Variants in SAMD12 observed in about 807,000 individuals in gnomAD.
SAMD12 encodes the protein sterile alpha motif domain-containing protein 12.
A neutral mutation model predicts 15.0 loss-of-function variants in SAMD12; 9 were observed. The observed-to-expected ratio is 0.60, with a 90% CI of 0.36 to 1.05. SAMD12 has a LOEUF of 1.05. Among genes scored for constraint, SAMD12 ranks in the 50% least tolerant of loss-of-function variants. The probability of loss-of-function intolerance (pLI) is 0.01; values close to 1 mark genes in which losing one functional copy is unlikely to be tolerated. For synonymous variants in SAMD12, 86 were observed against 90.1 expected, an observed-to-expected ratio of 0.96 and a Z score of 0.25; for missense variants, 230 against 234.2, an observed-to-expected ratio of 0.98 and a Z score of 0.12.
chr8:118,284,501 T>TC, intron 4 of SAMD12: 1 of 363,470 alleles, frequency 2.8e-6, no homozygotes, highest in Non-Finnish European at 5.4e-6. Flanking sequence ...TCCCTCTTAC[T>TC]CTTTCCATCT....
chr8:118,530,745 T>C (rs762575323), intron 2 of SAMD12, among the ~76,000 whole-genome samples: 32 of 152,240 alleles, frequency 2.1e-4, no homozygotes, highest in Non-Finnish European at 3.4e-4. Flanking sequence ...TTGCATTTGT[T>C]TTTGGGGTTT....
chr8:118,334,562 C>G (rs1317577810), intron 4 of SAMD12, among the ~76,000 whole-genome samples: 1 of 152,052 alleles, frequency 6.6e-6, no homozygotes, highest in Non-Finnish European at 1.5e-5. Context: ...ATTGGAATCA[C>G]ATCTCCCATA....
the SAMD12 span, among the ~76,000 whole-genome samples, chr8:118,166,024 G>C: frequency 6.6e-6 from 1 of 152,064 alleles, no homozygotes; most frequent in Non-Finnish European, 1.5e-5. Context: ...TTTAGCTAGA[G>C]TTCTAGCTAT....
At chr8:118,354,184 T>C (rs1025532301) in intron 4 of SAMD12, among the ~76,000 whole-genome samples, 1 of 152,188 alleles carries the variant, frequency 6.6e-6, no homozygotes, top group African/African-American at 2.4e-5. Context: ...ACATTGCAAA[T>C]GATGACTCTG....
chr8:118,580,945 G>T (rs1222313022), intron 1 of SAMD12, 52 bp from the exon 2 acceptor site: 2 of 1,407,554 alleles, frequency 1.4e-6, no homozygotes, highest in East Asian at 2.4e-5. Flanking sequence ...TAAAGAAGGT[G>T]TCCATGACAG....
intron 4 of SAMD12, among the ~76,000 whole-genome samples, chr8:118,199,866 T>C (rs1036280680): frequency 6.6e-6 from 1 of 152,116 alleles, no homozygotes; most frequent in African/African-American, 2.4e-5. Context: ...ATCACACAGC[T>C]AGTAAGGATC....
chr8:118,548,518 T>G (rs1264392842), intron 2 of SAMD12, among the ~76,000 whole-genome samples: 1 of 152,200 alleles, frequency 6.6e-6, no homozygotes, highest in Non-Finnish European at 1.5e-5. Context: ...TAAAGGTATT[T>G]GTTAACATCT....
At chr8:118,398,338 A>T (rs1046617082) in intron 3 of SAMD12, among the ~76,000 whole-genome samples, 1 of 152,174 alleles carries the variant, frequency 6.6e-6, no homozygotes, top group Non-Finnish European at 1.5e-5. Flanking sequence ...GATGCAGGTT[A>T]CAGTGAGCTG....
intron 4 of SAMD12, among the ~76,000 whole-genome samples, chr8:118,230,560 T>C (rs945859941): frequency 6.6e-6 from 1 of 151,992 alleles, no homozygotes; most frequent in African/African-American, 2.4e-5. Flanking sequence ...ACACAATTTG[T>C]GTGACCTATA....
intron 4 of SAMD12, among the ~76,000 whole-genome samples, chr8:118,248,415 C>A (rs750038821): frequency 6.6e-6 from 1 of 152,038 alleles, no homozygotes; most frequent in Non-Finnish European, 1.5e-5. Context: ...ATTGTTAGTC[C>A]AGCAGTCAAG....
chr8:118,273,464 T>C (rs1035199326), intron 4 of SAMD12, among the ~76,000 whole-genome samples: 1 of 152,218 alleles, frequency 6.6e-6, no homozygotes, highest in Non-Finnish European at 1.5e-5. Context: ...ATCTCTCATA[T>C]GTCACTTGTG....
At chr8:118,496,184 C>A (rs1025504071) in intron 2 of SAMD12, among the ~76,000 whole-genome samples, 2 of 152,178 alleles carry the variant, frequency 1.3e-5, no homozygotes, top group Admixed American at 1.3e-4. Context: ...CTACCAATGT[C>A]ATTTTTCACA....
At chr8:118,283,142 T>G (rs1031273067) in intron 4 of SAMD12, among the ~76,000 whole-genome samples, 3 of 152,210 alleles carry the variant, frequency 2.0e-5, no homozygotes, top group African/African-American at 7.2e-5. Context: ...TAATTTTTTT[T>G]ATTATACTTT....
At chr8:118,305,144 CAAAAAAAAAAAAA>C (rs56200866) in intron 4 of SAMD12, among the ~76,000 whole-genome samples, 25 of 48,888 alleles carry the variant, frequency 5.1e-4, no homozygotes, top group East Asian at 1.3e-3. Flanking sequence ...GACTCCCTGT[CAAAAAAAAAAAAA>C]AAAAAAAAAA....
At chr8:118,571,465 C>T (rs376464756) in intron 2 of SAMD12, among the ~76,000 whole-genome samples, 1 of 152,172 alleles carries the variant, frequency 6.6e-6, no homozygotes, top group Admixed American at 6.5e-5. Flanking sequence ...ATTTTCATCT[C>T]CAAGGAAAAT....
chr8:118,287,899 A>G (rs1450080822), intron 4 of SAMD12, among the ~76,000 whole-genome samples: 5 of 152,172 alleles, frequency 3.3e-5, no homozygotes, highest in Non-Finnish European at 7.4e-5. Context: ...CTTTCTACCC[A>G]TGCTTAACCT....
At chr8:118,556,358 T>C (rs957170715) in intron 2 of SAMD12, among the ~76,000 whole-genome samples, 4 of 152,308 alleles carry the variant, frequency 2.6e-5, no homozygotes, top group Non-Finnish European at 5.9e-5. Context: ...GGCCATGATG[T>C]ATTGAACGAA....
chr8:118,218,671 G>A (rs1317457947), intron 4 of SAMD12, among the ~76,000 whole-genome samples: 2 of 152,016 alleles, frequency 1.3e-5, no homozygotes, highest in Non-Finnish European at 2.9e-5. Flanking sequence ...CATACTCCAG[G>A]TTCATCTATG....
chr8:118,189,802 GAA>G (rs1819309637), exon 5 of SAMD12: 2 of 151,944 alleles, frequency 1.3e-5, no homozygotes, highest in South Asian at 2.1e-4. Flanking sequence ...TATGTTTAGA[GAA>G]AAAAAGTTTC....
Sources: allele counts gnomAD v4.1 joint callset (sites outside exome capture counted in the v4.1 genomes callset), GRCh38; gene constraint gnomAD v4.1.1; transcripts MANE v1.5; gene names NCBI Gene and HGNC (gene_info 2026-07-23, HGNC 2026-07-21).